LYN: variants seen among roughly 807,000 people sequenced by gnomAD.
The protein encoded by LYN is LYN proto-oncogene, Src family tyrosine kinase.
A neutral mutation model predicts 65.0 loss-of-function variants in LYN; 12 were observed. The observed-to-expected ratio is 0.18, with a 90% CI of 0.12 to 0.30. The LOEUF (loss-of-function observed/expected upper bound fraction) is 0.30, where lower values mean the gene tolerates loss of function less well. Among genes scored for constraint, LYN ranks in the 10% least tolerant of loss-of-function variants. LYN has a pLI of 1.00. For synonymous variants in LYN, 222 were observed against 221.2 expected, an observed-to-expected ratio of 1.00 and a Z score of -0.03; for missense variants, 380 against 623.2, an observed-to-expected ratio of 0.61 and a Z score of 4.16.
intron 10 of LYN, among the ~76,000 whole-genome samples, chr8:55,990,424 C>T (rs1808216284): frequency 6.6e-6 from 1 of 152,006 alleles, no homozygotes; most frequent in South Asian, 2.1e-4. Context: ...GTGAATGTCT[C>T]TTATGGGACC....
intron 1 of LYN, among the ~76,000 whole-genome samples, chr8:55,929,747 C>T (rs1427621098): frequency 6.6e-6 from 1 of 152,190 alleles, no homozygotes; most frequent in Non-Finnish European, 1.5e-5. Context: ...CAGAACTGTC[C>T]TCTAGAACAA....
rs1563504897 is a variant in LYN at position 55,909,032 on chromosome 8, CA to C, written c.-6+28930del. 2.9e-3 allele frequency among the ~76,000 whole-genome samples: 134 copies of C among 46,114 alleles called. 15 individuals are homozygous for C. Among genetic ancestry groups the C allele is most frequent in the East Asian group, 0.014 (16 of 1,126 alleles). 30.3% of individuals were successfully genotyped at this position (46,114 alleles called of 152,430 possible). ...ATATACACACACACACACACACACACACACACACACACACACACACCCCACA... is the reference window on the plus strand; with the variant it reads ...ATATACACACACACACACACACACACCACACACACACACACACACCCCACA... On this transcript the variant is annotated intron_variant, in intron 1 of 12. Transcript: ENST00000519728.
intron 2 of LYN, 42 bp from the exon 3 acceptor site, chr8:55,946,406 A>C (rs1411215979): frequency 7.4e-7 from 1 of 1,358,392 alleles, no homozygotes; most frequent in Non-Finnish European, 1.1e-6. Flanking sequence ...GAGTAAGAAA[A>C]GCTAAACAGA....
At chr8:55,882,501 G>A (rs902031154) in intron 1 of LYN, among the ~76,000 whole-genome samples, 6 of 152,208 alleles carry the variant, frequency 3.9e-5, no homozygotes, top group Non-Finnish European at 8.8e-5. Flanking sequence ...AGGACACCAT[G>A]TATACATGCC....
At chr8:55,883,324 A>AT (rs1181498919) in intron 1 of LYN, among the ~76,000 whole-genome samples, 1 of 152,172 alleles carries the variant, frequency 6.6e-6, no homozygotes, top group African/African-American at 2.4e-5. Flanking sequence ...TCATGAGTTA[A>AT]TTTTCTTTTA....
chr8:56,003,418 T>G (rs961121581), intron 12 of LYN, among the ~76,000 whole-genome samples: 1 of 152,140 alleles, frequency 6.6e-6, no homozygotes, highest in Non-Finnish European at 1.5e-5. Flanking sequence ...TGGTGGCTCA[T>G]GCCTGTAATC....
intron 1 of LYN, among the ~76,000 whole-genome samples, chr8:55,925,059 G>T (rs565646304): frequency 6.6e-6 from 1 of 152,136 alleles, no homozygotes; most frequent in Admixed American, 6.6e-5. Flanking sequence ...CCAAACTGGG[G>T]TGATCCGCTT....
rs1219559943 is a variant in LYN, at chr8:55,998,524, A to G, written c.1204+25A>G. 5.0e-6 allele frequency: 8 copies of G among 1,585,536 alleles called. No homozygotes were observed. In the East Asian group the frequency reaches 9.1e-5, roughly 18 times the overall value. On this transcript the variant is annotated intron_variant, in intron 11 of 12. Coordinates refer to ENST00000519728, the MANE Select transcript of LYN (RefSeq NM_002350.4). ...GGTATGTTGCACTAATGATCTTTAG[A>G]TGTTTTATTATTGTGTTTTATTTTG...
intron 1 of LYN, among the ~76,000 whole-genome samples, chr8:55,908,989 G>GTGTATATATATATATATATATA (rs1379592685): frequency 2.0e-4 from 4 of 20,394 alleles, no homozygotes; most frequent in Admixed American, 4.3e-4. Context: ...CATTGTGTAT[G>GTGTATATATATATATATATATA]TATATATATA....
At chr8:55,958,236 T>G (rs1807176327) in intron 8 of LYN, among the ~76,000 whole-genome samples, 1 of 152,190 alleles carries the variant, frequency 6.6e-6, no homozygotes, top group Non-Finnish European at 1.5e-5. Flanking sequence ...ATACACTGAA[T>G]CCTCCAATTT....
chr8:55,961,608 T>TC (rs1326467655), intron 8 of LYN, among the ~76,000 whole-genome samples: 3 of 152,200 alleles, frequency 2.0e-5, no homozygotes, highest in Admixed American at 6.6e-5. Flanking sequence ...CCTGATGACT[T>TC]CCCCCCTAAC....
chr8:55,953,374 T>G (rs56745122), intron 7 of LYN, among the ~76,000 whole-genome samples: 17,396 of 152,168 alleles, frequency 0.11, 2,379 homozygotes, highest in African/African-American at 0.33. Flanking sequence ...CAGGCCGGGC[T>G]TGGTGGCTCA....
rs142191673 is a variant in LYN, at chr8:55,930,742, C to T, written c.-5-11113C>T. 2.7e-3 allele frequency among the ~76,000 whole-genome samples: 409 copies of T among 152,256 alleles called. 1 individual carries two copies. The highest frequency in any genetic ancestry group is 9.3e-3 in the African/African-American group (385 of 41,548). On this transcript the variant is annotated intron_variant, in intron 1 of 12. Transcript: ENST00000519728. The stretch of plus-strand genomic sequence containing the variant: ...TTCTTGCAGCATGTTGATGGGGGAC[C>T]AAGACCTGGTCTTGCCTCTTCCTCC...
intron 1 of LYN, 88 bp downstream of exon 1, chr8:55,880,191 G>C (rs1480611843): frequency 6.0e-6 from 1 of 168,028 alleles, no homozygotes. Flanking sequence ...CCGGAGTCCC[G>C]GGCGCAGGGT....
chr8:55,994,304 C>T (rs879461634), intron 10 of LYN, among the ~76,000 whole-genome samples: 18 of 152,212 alleles, frequency 1.2e-4, no homozygotes, highest in Admixed American at 6.5e-4. Flanking sequence ...ATTTATTCAA[C>T]TTGGCTAATG....
At chr8:55,972,869 C>CTG (rs1371798657) in intron 10 of LYN, among the ~76,000 whole-genome samples, 1 of 152,174 alleles carries the variant, frequency 6.6e-6, no homozygotes. Context: ...AGTCCATTTG[C>CTG]TGTGTCAGCT....
At chr8:55,993,431 AT>A (rs1183719332) in intron 10 of LYN, among the ~76,000 whole-genome samples, 2 of 152,190 alleles carry the variant, frequency 1.3e-5, no homozygotes, top group Non-Finnish European at 2.9e-5. Flanking sequence ...TTCCAGAAGC[AT>A]TTAGTTATGA....
At chr8:55,988,564 C>T (rs1298554374) in intron 10 of LYN, among the ~76,000 whole-genome samples, 1 of 152,150 alleles carries the variant, frequency 6.6e-6, no homozygotes, top group Non-Finnish European at 1.5e-5. Context: ...GAAGACAATA[C>T]ATCCTTAGAG....
intron 1 of LYN, among the ~76,000 whole-genome samples, chr8:55,900,365 C>T (rs762698148): frequency 5.9e-5 from 9 of 151,922 alleles, no homozygotes; most frequent in Admixed American, 1.3e-4. Flanking sequence ...AATAATCTTC[C>T]TCTTTTTTAT....
Sources: allele counts gnomAD v4.1 joint callset (sites outside exome capture counted in the v4.1 genomes callset), GRCh38; gene constraint gnomAD v4.1.1; transcripts MANE v1.5; gene names NCBI Gene and HGNC (gene_info 2026-07-23, HGNC 2026-07-21).